Variants in DAB1 observed in about 807,000 individuals in gnomAD.
The protein encoded by DAB1 is DAB adaptor protein 1.
Under a neutral mutation model 64.6 loss-of-function variants are expected in DAB1, and 15 were observed. The observed-to-expected ratio is 0.23, with a 90% CI of 0.16 to 0.36. The LOEUF (loss-of-function observed/expected upper bound fraction) is 0.36. Among genes scored for constraint, DAB1 ranks in the 10% least tolerant of loss-of-function variants. DAB1 has a pLI of 1.00. For synonymous variants in DAB1, 235 were observed against 251.9 expected (o/e 0.93, Z 0.64); for missense variants, 596 against 706.7 (o/e 0.84, Z 1.78).
chr1:57,014,694 TGAA>T (rs751518148), intron 12 of DAB1, among the ~76,000 whole-genome samples, 186 bp downstream of exon 12: 1 of 152,176 alleles, frequency 6.6e-6, no homozygotes, highest in Non-Finnish European at 1.5e-5. Flanking sequence ...ATGGAACATA[TGAA>T]GAAGGTTTGT....
At chr1:58,385,541 C>A (rs1168154804) in intron 3 of DAB1, among the ~76,000 whole-genome samples, 1 of 152,210 alleles carries the variant, frequency 6.6e-6, no homozygotes, top group Non-Finnish European at 1.5e-5. Flanking sequence ...CAAAACCTAG[C>A]CTATTCCTTT....
intron 4 of DAB1, among the ~76,000 whole-genome samples, chr1:57,082,330 G>A (rs1203286438): frequency 2.0e-5 from 3 of 152,140 alleles, no homozygotes; most frequent in East Asian, 3.9e-4. Context: ...GTCAGCTGCA[G>A]ACAAAAGACC....
At chr1:57,920,413 A>T (rs1407208604) in intron 5 of DAB1, among the ~76,000 whole-genome samples, 1 of 152,122 alleles carries the variant, frequency 6.6e-6, no homozygotes, top group Non-Finnish European at 1.5e-5. Context: ...TCTGGGTCCA[A>T]ACAAACCTCC....
intron 7 of DAB1, among the ~76,000 whole-genome samples, chr1:57,509,779 T>G (rs994448123): frequency 2.0e-5 from 3 of 152,138 alleles, no homozygotes; most frequent in Non-Finnish European, 4.4e-5. Flanking sequence ...TGCTAAGGAC[T>G]TCAGTTCTTT....
rs544743313 is a variant in DAB1 at position 57,084,466 on chromosome 1, T to C, written c.307-12052A>G. On this transcript the variant is annotated intron_variant, in intron 4 of 14. Transcript: ENST00000371236. ...TTTCTGTTGTTTCAGCTGTCCAGTT[T>C]GTGGTACTTTGGAGAAACAGCCCTT... Among the ~76,000 whole-genome samples the C allele has an allele frequency of 2.6e-5, 4 of 152,332 alleles. No individual in the cohort carries two copies. In the South Asian group the frequency reaches 8.3e-4, roughly 32 times the overall value.
At chr1:57,411,842 C>G (rs760486903) in intron 1 of DAB1, among the ~76,000 whole-genome samples, 1 of 152,310 alleles carries the variant, frequency 6.6e-6, no homozygotes, top group East Asian at 1.9e-4. Context: ...TTCTAGGTAT[C>G]AAATGAGAGC....
intron 3 of DAB1, among the ~76,000 whole-genome samples, chr1:58,433,592 A>AGTGTGTGTGTGTGT (rs1266210842): frequency 9.9e-6 from 1 of 100,704 alleles, no homozygotes; most frequent in Non-Finnish European, 1.9e-5. Flanking sequence ...AGAGAGAGAG[A>AGTGTGTGTGTGTGT]GAGAGTGTGT....
intron 2 of DAB1, among the ~76,000 whole-genome samples, chr1:57,164,655 C>T (rs1661063257): frequency 6.6e-6 from 1 of 152,140 alleles, no homozygotes; most frequent in Non-Finnish European, 1.5e-5. Context: ...TGCCATTGGC[C>T]TGGCTAAGAG....
At chr1:57,659,307 C>A (rs1031061912) in intron 6 of DAB1, among the ~76,000 whole-genome samples, 5 of 152,154 alleles carry the variant, frequency 3.3e-5, no homozygotes, top group Non-Finnish European at 7.4e-5. Flanking sequence ...AGATCAAATA[C>A]ATAAATAAAA....
At chr1:57,896,373 G>C (rs1205585013) in intron 5 of DAB1, among the ~76,000 whole-genome samples, 2 of 150,788 alleles carry the variant, frequency 1.3e-5, no homozygotes, top group African/African-American at 4.9e-5. Context: ...TTATATGCTT[G>C]TCAACTTGAC....
chr1:58,322,921 T>C (rs1386212509), intron 4 of DAB1, among the ~76,000 whole-genome samples: 1 of 152,084 alleles, frequency 6.6e-6, no homozygotes, highest in East Asian at 1.9e-4. Flanking sequence ...TAAAAAAGAA[T>C]GAGTTCATGT....
At chr1:57,234,111 C>A (rs1034542596) in intron 2 of DAB1, among the ~76,000 whole-genome samples, 3 of 152,124 alleles carry the variant, frequency 2.0e-5, no homozygotes, top group Non-Finnish European at 4.4e-5. Context: ...TACACAAGAA[C>A]CAGGTACTAT....
intron 3 of DAB1, among the ~76,000 whole-genome samples, chr1:58,449,051 T>C (rs1187773552): frequency 6.6e-5 from 10 of 152,140 alleles, no homozygotes; most frequent in Non-Finnish European, 7.4e-5. Flanking sequence ...GAAACCAAGG[T>C]CTGGCATAGA....
intron 5 of DAB1, among the ~76,000 whole-genome samples, chr1:58,137,446 TCATCTATC>T (rs956230890): frequency 1.4e-4 from 22 of 152,098 alleles, no homozygotes; most frequent in African/African-American, 5.1e-4. Flanking sequence ...ATCCATCCAT[TCATCTATC>T]CATCTATCCA....
rs1443401476 is a variant in DAB1 at position 57,393,074 on chromosome 1, C to A, written c.-137+30856G>T. Among the ~76,000 whole-genome samples the A allele has an allele frequency of 3.3e-5, 5 of 152,120 alleles. No homozygotes were observed. In the East Asian group the frequency reaches 7.7e-4, roughly 24 times the overall value. On this transcript the variant is annotated intron_variant, in intron 1 of 14. Coordinates refer to ENST00000371236, the MANE Select transcript of DAB1 (RefSeq NM_001365792.1). ...AAACATTGTATATATTTATGGTGTACAACATGATGTTTTGATATATGTATA... is the reference window on the plus strand; with the variant it reads ...AAACATTGTATATATTTATGGTGTAAAACATGATGTTTTGATATATGTATA...
intron 7 of DAB1, among the ~76,000 whole-genome samples, chr1:57,617,300 C>T (rs1047633526): frequency 1.7e-4 from 26 of 152,196 alleles, no homozygotes; most frequent in African/African-American, 6.3e-4. Flanking sequence ...AGAGGTTAGC[C>T]CCCTGCCTCA....
rs546031178 is a variant in DAB1 at position 57,442,528 on chromosome 1, AT to A, written n.626-151363del. On this transcript the variant is annotated intron_variant and non_coding_transcript_variant, in intron 7 of 20. Transcript: ENST00000485760. ...TGGTACTTATTGTATTTGAGTGAGA[AT>A]TTTTTTTTTTTTACAACCAATAGTC... Among the ~76,000 whole-genome samples the A allele has an allele frequency of 5.5e-3, 812 of 146,824 alleles. 6 individuals are homozygous for A. The highest frequency in any genetic ancestry group is 0.013 in the African/African-American group (532 of 40,398).
intron 3 of DAB1, among the ~76,000 whole-genome samples, chr1:58,371,125 A>G (rs1207569606): frequency 6.6e-6 from 1 of 152,180 alleles, no homozygotes; most frequent in Non-Finnish European, 1.5e-5. Context: ...AACTTCCTAG[A>G]GACTTTTTGA....
At chr1:57,477,517 A>T (rs1355772717) in intron 7 of DAB1, among the ~76,000 whole-genome samples, 1 of 152,184 alleles carries the variant, frequency 6.6e-6, no homozygotes, top group Non-Finnish European at 1.5e-5. Context: ...CGTAGCTGAA[A>T]TGCAGTCAGA....
Sources: allele counts gnomAD v4.1 joint callset (sites outside exome capture counted in the v4.1 genomes callset), GRCh38; gene constraint gnomAD v4.1.1; transcripts MANE v1.5; gene names NCBI Gene and HGNC (gene_info 2026-07-23, HGNC 2026-07-21).